The following COL23A1 variants were observed in gnomAD, a reference collection of about 807,000 sequenced individuals.
COL23A1 encodes the protein collagen type XXIII alpha 1 chain.
In COL23A1, 97 loss-of-function variants were observed where a neutral mutation model predicts 99.3. The ratio of observed to expected loss-of-function variants is 0.98; its 90% CI spans 0.83 to 1.16. The LOEUF (loss-of-function observed/expected upper bound fraction) is 1.16, where lower values mean the gene tolerates loss of function less well. Ranked by LOEUF, COL23A1 falls within the 50% of genes most tolerant of loss-of-function variation. The probability of loss-of-function intolerance (pLI) is 0.00; values close to 1 mark genes in which losing one functional copy is unlikely to be tolerated. For synonymous variants in COL23A1, 320 were observed against 308.2 expected, an observed-to-expected ratio of 1.04 and a Z score of -0.40; for missense variants, 762 against 757.4, an observed-to-expected ratio of 1.01 and a Z score of -0.07.
chr5:178,241,962 T>C, intron 27 of COL23A1, 80 bp downstream of exon 27: 4 of 1,105,368 alleles, frequency 3.6e-6, no homozygotes, highest in Non-Finnish European at 5.3e-6. Flanking sequence ...GCAGCTGAGT[T>C]CCGAGGACAG....
chr5:178,413,547 G>A (rs1561949756), intron 2 of COL23A1, among the ~76,000 whole-genome samples: 1 of 152,204 alleles, frequency 6.6e-6, no homozygotes, highest in Non-Finnish European at 1.5e-5. Flanking sequence ...GAATGCAGGA[G>A]TTCATAAGAC....
rs77811037 is a variant in COL23A1 at position 178,462,467 on chromosome 5, T to C, written c.361+98215A>G. 7.7e-3 allele frequency among the ~76,000 whole-genome samples: 1,170 copies of C among 152,310 alleles called. 12 individuals carry two copies. Among genetic ancestry groups the C allele is most frequent in the African/African-American group, 0.027 (1,117 of 41,564 alleles). On this transcript the variant is annotated intron_variant, in intron 2 of 28. Coordinates refer to ENST00000390654, the MANE Select transcript of COL23A1 (RefSeq NM_173465.4). ...AGGAATAAAGAACAAAAGAGAAGAATCTGTATTAAATCAGGCACAACAAGA... is the reference window on the plus strand; with the variant it reads ...AGGAATAAAGAACAAAAGAGAAGAACCTGTATTAAATCAGGCACAACAAGA...
At chr5:178,452,181 A>C (rs1299355870) in intron 2 of COL23A1, among the ~76,000 whole-genome samples, 1 of 152,186 alleles carries the variant, frequency 6.6e-6, no homozygotes, top group African/African-American at 2.4e-5. Flanking sequence ...AACAAAATAA[A>C]ATGTCCAAAA....
chr5:178,400,318 G>C (rs1028281633), intron 2 of COL23A1, among the ~76,000 whole-genome samples: 1 of 129,692 alleles, frequency 7.7e-6, no homozygotes, highest in African/African-American at 3.0e-5. Context: ...AGTGAGCCGA[G>C]ATCGCGCCAC....
chr5:178,585,400 T>A (rs918865787), intron 1 of COL23A1, among the ~76,000 whole-genome samples: 2 of 120,406 alleles, frequency 1.7e-5, no homozygotes, highest in Non-Finnish European at 3.3e-5. Flanking sequence ...CGGCCCTGAC[T>A]GATGTGTGGG....
chr5:178,247,821 A>G lies in COL23A1; in HGVS notation c.1223T>C (p.Ile408Thr). Residue 408 changes from isoleucine (I) to threonine (T), a missense_variant, in exon 21 of 29, where the codon ATA (isoleucine) becomes ACA (threonine). Transcript: ENST00000390654. ...DSLQESLAQLIVEPGPPGPPG... is the reference protein window; with the variant it reads ...DSLQESLAQLTVEPGPPGPPG... ...GGGGCCAGGGGGCCCTGGCTCCACT[A>G]TGAGCTGAGCCTAGGGAGGGTGAGA... is the stretch of plus-strand genomic sequence containing the variant. 4 of 1,612,860 alleles carry G rather than the reference A, an allele frequency of 2.5e-6. No homozygotes were observed. The highest frequency in any genetic ancestry group is 3.4e-6 in the Non-Finnish European group (4 of 1,179,408).
At chr5:178,572,121 G>A (rs1192938852) in intron 1 of COL23A1, among the ~76,000 whole-genome samples, 2 of 149,700 alleles carry the variant, frequency 1.3e-5, no homozygotes, top group Non-Finnish European at 3.0e-5. Flanking sequence ...AAACTACCAG[G>A]TCTGAGATGA....
In COL23A1 at chr5:178,338,211, C is replaced by T. The variant is rs183308714; in HGVS notation, c.362-31292G>A. Reference sequence around the variant, plus strand: ...GAGCCTTGCCAGGGACCCAGGCAGACAGCACAGCTGGCACAGTCAGACAGA... The same window carrying T: ...GAGCCTTGCCAGGGACCCAGGCAGATAGCACAGCTGGCACAGTCAGACAGA... On this transcript the variant is annotated intron_variant, in intron 2 of 28. Transcript: ENST00000390654. Among the ~76,000 whole-genome samples, 126 of 152,334 alleles carry T rather than the reference C, an allele frequency of 8.3e-4. 1 individual carries two copies. The highest frequency in any genetic ancestry group is 7.2e-4 in the Admixed American group (11 of 15,310).
intron 2 of COL23A1, among the ~76,000 whole-genome samples, chr5:178,549,811 G>A (rs2113456982): frequency 6.7e-6 from 1 of 149,948 alleles, no homozygotes; most frequent in East Asian, 1.9e-4. Flanking sequence ...GCAGAATCCT[G>A]TCTCAAAAAA....
intron 2 of COL23A1, among the ~76,000 whole-genome samples, chr5:178,487,618 C>A (rs969683334): frequency 3.3e-5 from 5 of 152,140 alleles, no homozygotes; most frequent in Non-Finnish European, 1.5e-5. Context: ...TGATGCCTGT[C>A]CGGGGAATGA....
At chr5:178,342,964 T>C (rs1220959237) in intron 2 of COL23A1, among the ~76,000 whole-genome samples, 1 of 152,168 alleles carries the variant, frequency 6.6e-6, no homozygotes, top group Non-Finnish European at 1.5e-5. Context: ...AACCACACTT[T>C]CCAACAACCA....
rs192815787 is a variant in COL23A1, at chr5:178,516,931, C to T, written c.361+43751G>A. 6.4e-4 allele frequency among the ~76,000 whole-genome samples: 98 copies of T among 152,310 alleles called. 1 individual carries two copies. The East Asian group carries it at 0.017, about 27-fold the overall frequency. ...GTAGCTGGTGGGAGCGGGCTTCCTG[C>T]GCAGAAAGCTGCAATATCTGTGGCT... On this transcript the variant is annotated intron_variant, in intron 2 of 28. Transcript: ENST00000390654.
intron 2 of COL23A1, among the ~76,000 whole-genome samples, chr5:178,326,431 C>T (rs537709133): frequency 2.2e-5 from 3 of 135,784 alleles, no homozygotes; most frequent in Admixed American, 7.3e-5. Context: ...AAAAAAAGAC[C>T]GAACGAGAGT....
intron 3 of COL23A1, 119 bp from the exon 4 acceptor site, chr5:178,290,488 G>C (rs1316647586): frequency 7.7e-7 from 1 of 1,293,474 alleles, no homozygotes; most frequent in African/African-American, 1.5e-5. Context: ...TCCCCGGAAG[G>C]CTTTGATGCT....
At position 178,246,345 on chromosome 5, in the gene COL23A1, G is replaced by A. The variant is rs78904170; in HGVS notation, c.1360-38C>T. ...GGAATGAGTCAAGAGGCATGCTAGTGACAGGAATTAACACCTTTGGGACAA... is the reference window on the plus strand; with the variant it reads ...GGAATGAGTCAAGAGGCATGCTAGTAACAGGAATTAACACCTTTGGGACAA... On this transcript the variant is annotated intron_variant, in intron 23 of 28. Transcript: ENST00000390654. The A allele has an allele frequency of 3.6e-3, 5,554 of 1,561,298 alleles. 183 individuals carry two copies. In the African/African-American group the frequency reaches 0.067, roughly 19 times the overall value.
chr5:178,259,793 G>A (rs752800650), intron 11 of COL23A1, 46 bp from the exon 12 acceptor site: 18 of 1,564,150 alleles, frequency 1.2e-5, no homozygotes, highest in Admixed American at 5.4e-5. Flanking sequence ...AAAACCATAG[G>A]AGAGTGGCCC....
chr5:178,557,647 C>T (rs1474219104), intron 2 of COL23A1, among the ~76,000 whole-genome samples: 3 of 152,158 alleles, frequency 2.0e-5, no homozygotes, highest in Non-Finnish European at 4.4e-5. Context: ...AGGTGGGGAG[C>T]TGCGGCCAGC....
At chr5:178,291,760 G>A (rs1264270716) in intron 3 of COL23A1, among the ~76,000 whole-genome samples, 3 of 152,094 alleles carry the variant, frequency 2.0e-5, no homozygotes, top group African/African-American at 7.2e-5. Flanking sequence ...AGTGGAGAGA[G>A]TCAGAAGATG....
At chr5:178,370,239 C>T (rs943350930) in intron 2 of COL23A1, among the ~76,000 whole-genome samples, 1 of 152,216 alleles carries the variant, frequency 6.6e-6, no homozygotes, top group Admixed American at 6.5e-5. Context: ...GGCCGCTGGC[C>T]TGCAGGTCCT....
Sources: allele counts gnomAD v4.1 joint callset (sites outside exome capture counted in the v4.1 genomes callset), GRCh38; gene constraint gnomAD v4.1.1; transcripts MANE v1.5; gene names NCBI Gene and HGNC (gene_info 2026-07-23, HGNC 2026-07-21).